SGMS2: variants seen among roughly 807,000 people sequenced by gnomAD.
SGMS2 encodes sphingomyelin synthase 2, also known as phosphatidylcholine:ceramide cholinephosphotransferase 2.
SGMS2 carries 21 observed loss-of-function variants against 43.8 expected under a neutral mutation model. That is an observed-to-expected ratio of 0.48 (90% CI 0.34 to 0.69). The LOEUF is 0.69. Among genes scored for constraint, SGMS2 ranks in the 30% least tolerant of loss-of-function variants. SGMS2 has a pLI of 0.01. For missense variants in SGMS2, 384 were observed against 443.2 expected, an observed-to-expected ratio of 0.87 and a Z score of 1.20; for synonymous variants, 167 against 160.6, an observed-to-expected ratio of 1.04 and a Z score of -0.30.
At chr4:107,831,126 A>G (rs1447472547) in intron 1 of SGMS2, among the ~76,000 whole-genome samples, 1 of 152,172 alleles carries the variant, frequency 6.6e-6, no homozygotes, top group African/African-American at 2.4e-5. Flanking sequence ...AGCTGGTGGG[A>G]AGTAGAGCAG....
At chr4:107,899,501 C>T (rs1164545147) in intron 3 of SGMS2, 74 bp from the exon 4 acceptor site, 19 of 977,056 alleles carry the variant, frequency 1.9e-5, no homozygotes, top group Non-Finnish European at 2.9e-5. Flanking sequence ...TCCTGTTAAA[C>T]ATTGTTTTAT....
At chr4:107,901,005 C>T (rs1731068948) in intron 4 of SGMS2, among the ~76,000 whole-genome samples, 2 of 152,106 alleles carry the variant, frequency 1.3e-5, no homozygotes, top group Admixed American at 6.6e-5. Flanking sequence ...GAAATGGCCA[C>T]AGAAAAGAAG....
At chr4:107,836,011 A>T (rs1308113656) in intron 1 of SGMS2, among the ~76,000 whole-genome samples, 2 of 152,250 alleles carry the variant, frequency 1.3e-5, no homozygotes, top group Non-Finnish European at 2.9e-5. Flanking sequence ...AAAGAAACAG[A>T]TGTAATTATG....
At position 107,895,382 on chromosome 4, in the gene SGMS2, C is replaced by T; in HGVS notation, c.-172C>T. 1.5e-6 allele frequency: 1 copy of T among 670,838 alleles called. No homozygotes were observed. The highest frequency in any genetic ancestry group is 2.0e-5 in the South Asian group (1 of 49,104). 41.6% of individuals were successfully genotyped at this position (670,838 alleles called of 1,614,324 possible). A position where few individuals can be genotyped will look rare whatever the true frequency, so the allele number is the denominator to read the frequency against. ...AAAGTGGTGAAGGTACAGCATATAGCTGCATGGAAGAAACAGTAATCGGAT... is the reference window on the plus strand; with the variant it reads ...AAAGTGGTGAAGGTACAGCATATAGTTGCATGGAAGAAACAGTAATCGGAT... On this transcript the variant is annotated 5_prime_UTR_variant, in exon 3 of 7. Transcript: ENST00000690982.
intron 2 of SGMS2, among the ~76,000 whole-genome samples, chr4:107,882,267 C>T (rs1350324451): frequency 6.6e-6 from 1 of 152,178 alleles, no homozygotes; most frequent in Non-Finnish European, 1.5e-5. Flanking sequence ...TCCTCACCAG[C>T]ATTCGTTATT....
At chr4:107,898,154 G>A (rs1364305100) in intron 3 of SGMS2, among the ~76,000 whole-genome samples, 1 of 151,968 alleles carries the variant, frequency 6.6e-6, no homozygotes, top group East Asian at 1.9e-4. Context: ...TTTATTACCT[G>A]CTCCTTTTTA....
intron 2 of SGMS2, among the ~76,000 whole-genome samples, chr4:107,883,641 A>G (rs1333662620): frequency 6.6e-6 from 1 of 152,228 alleles, no homozygotes; most frequent in Non-Finnish European, 1.5e-5. Flanking sequence ...ATCACACATT[A>G]TGTGTAATAT....
chr4:107,904,367 C>T (rs776595075), intron 5 of SGMS2, among the ~76,000 whole-genome samples: 13 of 152,290 alleles, frequency 8.5e-5, no homozygotes, highest in South Asian at 4.1e-4. Flanking sequence ...CTTCCCTCCT[C>T]TCTTGGCCCT....
rs920597816 is a variant in SGMS2 at position 107,913,066 on chromosome 4, G to A, written c.*2513G>A. ...TATATAAACTGAAGATATAAAACAA[G>A]TATGATCTTGCCTTTGAAATCATAA... On this transcript the variant is annotated 3_prime_UTR_variant, in exon 7 of 7. Transcript: ENST00000690982. 4 of 152,046 alleles carry A rather than the reference G, an allele frequency of 2.6e-5. No homozygotes were observed. The highest frequency in any genetic ancestry group is 7.2e-5 in the African/African-American group (3 of 41,402). 9.4% of individuals were successfully genotyped at this position (152,046 alleles called of 1,614,324 possible). A position where few individuals can be genotyped will look rare whatever the true frequency, so the allele number is the denominator to read the frequency against.
chr4:107,847,107 CTTTAG>C (rs1252597009), intron 1 of SGMS2, among the ~76,000 whole-genome samples: 9 of 151,446 alleles, frequency 5.9e-5, no homozygotes, highest in Non-Finnish European at 3.0e-5. Flanking sequence ...TGCAGAAGCT[CTTTAG>C]TTTAATTAGA....
intron 2 of SGMS2, among the ~76,000 whole-genome samples, chr4:107,879,126 G>C (rs1228534360): frequency 9.2e-6 from 1 of 108,772 alleles, no homozygotes; most frequent in Non-Finnish European, 2.0e-5. Context: ...TTTTTTTTTA[G>C]TGAGAAATAG....
At chr4:107,843,403 T>C (rs1560632983) in intron 1 of SGMS2, among the ~76,000 whole-genome samples, 1 of 152,218 alleles carries the variant, frequency 6.6e-6, no homozygotes, top group East Asian at 1.9e-4. Context: ...TAAATGTTTA[T>C]AAAGCACAAA....
intron 1 of SGMS2, among the ~76,000 whole-genome samples, chr4:107,854,528 A>C (rs1727315274): frequency 1.3e-5 from 2 of 152,154 alleles, no homozygotes; most frequent in Admixed American, 6.5e-5. Flanking sequence ...AGATGCTTCT[A>C]GGGGGAGTTG....
chr4:107,844,283 C>T (rs761648343), intron 1 of SGMS2, among the ~76,000 whole-genome samples: 1 of 151,562 alleles, frequency 6.6e-6, no homozygotes, highest in Non-Finnish European at 1.5e-5. Flanking sequence ...GAGATTGGGC[C>T]ACTGCACTCC....
chr4:107,864,085 C>T (rs948033606), intron 2 of SGMS2: 1 of 152,232 alleles, frequency 6.6e-6, no homozygotes, highest in African/African-American at 2.4e-5. Context: ...GCTTTTAAAA[C>T]CCTGTGCTGG....
In SGMS2 at chr4:107,910,359, G is replaced by T; in HGVS notation, c.904G>T (p.Val302Phe). 6.2e-7 allele frequency: 1 copy of T among 1,613,720 alleles called. No individual in the cohort carries two copies. The highest frequency in any genetic ancestry group is 8.5e-7 in the Non-Finnish European group (1 of 1,179,776). The change falls in exon 7 of 7, where the codon GTC (valine) becomes TTC (phenylalanine). Residue 302 changes from valine to phenylalanine, a missense_variant. Val to Phe is a conservative substitution (Grantham distance 50). Transcript: ENST00000690982. ...HSMANEKNLK[V>F]SSQTNFLSRA... is the part of the protein sequence containing the mutation. ...TTTCTACCATTTACAGAACTTGAAG[G>T]TCTCTTCACAGACTAATTTCTTATC...
At chr4:107,892,245 A>G (rs1322303603) in intron 2 of SGMS2, among the ~76,000 whole-genome samples, 4 of 151,474 alleles carry the variant, frequency 2.6e-5, no homozygotes, top group Non-Finnish European at 4.4e-5. Flanking sequence ...AAAAAAAAAA[A>G]AAAAAAAAAA....
Position 107,913,193 on chromosome 4 carries a change from T to C in SGMS2, c.*2640T>C, listed in dbSNP as rs944759401. ...TTTGAAGCTTTTCCTGTAATTTAGG[T>C]TGTCTGTGAAATACCTATAACATAT... is the stretch of plus-strand genomic sequence containing the variant. On this transcript the variant is annotated 3_prime_UTR_variant, in exon 7 of 7. Coordinates refer to ENST00000690982, the MANE Select transcript of SGMS2 (RefSeq NM_001375905.1). The C allele has an allele frequency of 3.9e-5, 6 of 152,178 alleles. No homozygotes were observed. The highest frequency in any genetic ancestry group is 1.2e-4 in the African/African-American group (5 of 41,454). 9.4% of individuals were successfully genotyped at this position (152,178 alleles called of 1,614,324 possible). A position where few individuals can be genotyped will look rare whatever the true frequency, so the allele number is the denominator to read the frequency against.
chr4:107,894,716 A>G (rs1212275347), intron 2 of SGMS2, among the ~76,000 whole-genome samples: 1 of 152,138 alleles, frequency 6.6e-6, no homozygotes, highest in African/African-American at 2.4e-5. Context: ...TGCGTCTCTG[A>G]ATATAAAAGG....
Sources: allele counts gnomAD v4.1 joint callset (sites outside exome capture counted in the v4.1 genomes callset), GRCh38; gene constraint gnomAD v4.1.1; transcripts MANE v1.5; gene names NCBI Gene and HGNC (gene_info 2026-07-23, HGNC 2026-07-21).